Variants in SPOCK1 observed in about 807,000 individuals in gnomAD.
SPOCK1 encodes SPARC (osteonectin), cwcv and kazal like domains proteoglycan 1.
Under a neutral mutation model 55.3 loss-of-function variants are expected in SPOCK1, and 23 were observed. That is an observed-to-expected ratio of 0.42 (90% confidence interval 0.30 to 0.59). The LOEUF (loss-of-function observed/expected upper bound fraction) is 0.59. SPOCK1 is among the 20% of genes least tolerant of loss of function. The pLI, the probability that SPOCK1 is intolerant of heterozygous loss-of-function variation, is 0.22. For missense variants in SPOCK1, 499 were observed against 552.5 expected, an observed-to-expected ratio of 0.90 and a Z score of 0.97; for synonymous variants, 226 against 221.0, an observed-to-expected ratio of 1.02 and a Z score of -0.20.
intron 4 of SPOCK1, among the ~76,000 whole-genome samples, chr5:137,124,407 AG>A (rs776936294): frequency 1.1e-4 from 16 of 152,152 alleles, no homozygotes; most frequent in Non-Finnish European, 1.9e-4. Flanking sequence ...TGCGCAACAC[AG>A]GCCTCAGGCA....
At chr5:137,254,600 A>G (rs1756599567) in intron 3 of SPOCK1, among the ~76,000 whole-genome samples, 1 of 152,270 alleles carries the variant, frequency 6.6e-6, no homozygotes, top group East Asian at 1.9e-4. Context: ...ATATGTACGT[A>G]TGTGTGCAAG....
intron 3 of SPOCK1, among the ~76,000 whole-genome samples, chr5:137,262,681 T>C (rs13175936): frequency 0.41 from 62,327 of 152,104 alleles, 13,926 homozygotes; most frequent in Non-Finnish European, 0.49. Flanking sequence ...GCTCCAATAA[T>C]GGGGATCTGG....
chr5:137,388,444 A>G (rs893587315), intron 2 of SPOCK1, among the ~76,000 whole-genome samples: 12 of 152,212 alleles, frequency 7.9e-5, no homozygotes, highest in Admixed American at 2.0e-4. Context: ...AAGACATTGT[A>G]TAACAAAAGC....
intron 2 of SPOCK1, among the ~76,000 whole-genome samples, chr5:137,284,617 C>T (rs977106588): frequency 6.6e-6 from 1 of 152,130 alleles, no homozygotes; most frequent in African/African-American, 2.4e-5. Flanking sequence ...GAAGGGCCCT[C>T]GGGTGGCAGA....
At chr5:137,470,810 G>A (rs1323290782) in intron 2 of SPOCK1, among the ~76,000 whole-genome samples, 1 of 152,148 alleles carries the variant, frequency 6.6e-6, no homozygotes, top group Non-Finnish European at 1.5e-5. Context: ...GGGAGAATCT[G>A]TCTGGAGGAT....
At chr5:137,004,670 T>A (rs1022813739) in intron 6 of SPOCK1, among the ~76,000 whole-genome samples, 3 of 152,120 alleles carry the variant, frequency 2.0e-5, no homozygotes, top group African/African-American at 7.2e-5. Flanking sequence ...CCCTCCTGAA[T>A]GTCATATATA....
At chr5:137,394,576 C>A (rs182675698) in intron 2 of SPOCK1, among the ~76,000 whole-genome samples, 1 of 152,222 alleles carries the variant, frequency 6.6e-6, no homozygotes, top group Non-Finnish European at 1.5e-5. Flanking sequence ...AAGCCTCCCA[C>A]AGGCTATACC....
chr5:137,237,389 G>C (rs1412659080), intron 3 of SPOCK1, among the ~76,000 whole-genome samples: 1 of 152,122 alleles, frequency 6.6e-6, no homozygotes, highest in East Asian at 1.9e-4. Flanking sequence ...ACATCCCACA[G>C]ACAGGCCATA....
At position 136,978,717 on chromosome 5, in the gene SPOCK1, G is replaced by A. The variant is rs776151708; in HGVS notation, c.1257C>T (p.Ala419=). 2.6e-5 allele frequency: 42 copies of A among 1,613,628 alleles called. No homozygotes were observed. The highest frequency in any genetic ancestry group is 1.6e-4 in the Middle Eastern group (1 of 6,082). Residue 419 remains alanine, a synonymous_variant, in exon 11 of 11, where the codon GCC becomes GCT. Coordinates refer to ENST00000394945, the MANE Select transcript of SPOCK1 (RefSeq NM_004598.4). ...KEGKLRVHTR[A]VTEDDEDEDD... The stretch of plus-strand genomic sequence containing the variant: ...CCTCATCCTCATCATCCTCTGTCAC[G>A]GCTCGGGTGTGCACCCTCAGCTTCC...
At chr5:137,021,233 G>T (rs1258813454) in intron 6 of SPOCK1, among the ~76,000 whole-genome samples, 1 of 152,152 alleles carries the variant, frequency 6.6e-6, no homozygotes, top group East Asian at 1.9e-4. Flanking sequence ...ACATGCAGCA[G>T]CATAGATAAA....
chr5:136,996,434 C>T (rs1361044468), intron 6 of SPOCK1, among the ~76,000 whole-genome samples: 1 of 152,150 alleles, frequency 6.6e-6, no homozygotes, highest in Non-Finnish European at 1.5e-5. Flanking sequence ...AAGACCAAGA[C>T]CTGCTTTCTT....
intron 6 of SPOCK1, among the ~76,000 whole-genome samples, chr5:137,010,433 G>A (rs2126974169): frequency 6.6e-6 from 1 of 151,922 alleles, no homozygotes; most frequent in South Asian, 2.1e-4. Flanking sequence ...AGGAAGGGAG[G>A]GGCAGGGAGA....
intron 3 of SPOCK1, among the ~76,000 whole-genome samples, chr5:137,242,058 T>C (rs957352731): frequency 5.3e-5 from 8 of 152,224 alleles, no homozygotes; most frequent in African/African-American, 1.4e-4. Context: ...GAATAAGTTA[T>C]GGTCTATTTA....
rs375738717 is a variant in SPOCK1 at position 137,016,904 on chromosome 5, C to T, written c.590-24304G>A. On this transcript the variant is annotated intron_variant, in intron 6 of 10. Coordinates refer to ENST00000394945, the MANE Select transcript of SPOCK1 (RefSeq NM_004598.4). ...AACCTAGTGGGGAGTAAAGGAGAAA[C>T]CAGGAACAATGGGGCTTTGTTTTGG... Among the ~76,000 whole-genome samples, 56 of 152,340 alleles carry T rather than the reference C, an allele frequency of 3.7e-4. 1 individual carries two copies. The South Asian group carries it at 9.3e-3, about 25-fold the overall frequency.
intron 6 of SPOCK1, among the ~76,000 whole-genome samples, chr5:137,006,799 G>A (rs991040028): frequency 1.3e-5 from 2 of 152,126 alleles, no homozygotes; most frequent in African/African-American, 2.4e-5. Flanking sequence ...AATGCTTCCA[G>A]CTTTGCCCAT....
At chr5:137,129,935 G>A (rs114026336) in intron 4 of SPOCK1, among the ~76,000 whole-genome samples, 2,445 of 152,218 alleles carry the variant, frequency 0.016, 65 homozygotes, top group African/African-American at 0.055. Flanking sequence ...GGTGGTTTTG[G>A]TCCCTGAGCA....
chr5:137,042,346 T>C (rs186611522), intron 6 of SPOCK1, among the ~76,000 whole-genome samples: 1 of 152,282 alleles, frequency 6.6e-6, no homozygotes, highest in African/African-American at 2.4e-5. Context: ...AGAATATTTT[T>C]AGAGTAATAA....
At chr5:137,164,276 C>T (rs1034756680) in intron 3 of SPOCK1, among the ~76,000 whole-genome samples, 8 of 152,072 alleles carry the variant, frequency 5.3e-5, no homozygotes, top group Admixed American at 1.3e-4. Context: ...AGCCACACAC[C>T]GGTCAGTGGG....
At chr5:137,286,632 G>T (rs1425674607) in intron 2 of SPOCK1, among the ~76,000 whole-genome samples, 1 of 152,182 alleles carries the variant, frequency 6.6e-6, no homozygotes, top group Non-Finnish European at 1.5e-5. Flanking sequence ...AAATCCAGGG[G>T]AGACTGCAGC....
Sources: gnomAD v4.1 joint callset for allele counts (sites outside exome capture counted in the v4.1 genomes callset) on GRCh38, gnomAD v4.1.1 for gene constraint, MANE v1.5 for transcripts, NCBI Gene and HGNC (gene_info 2026-07-23, HGNC 2026-07-21) for gene names.